The following GABBR2 variants were observed in gnomAD, a reference collection of about 807,000 sequenced individuals.
GABBR2 encodes the protein G-protein coupled receptor 51.
Under a neutral mutation model 105.6 loss-of-function variants are expected in GABBR2, and 23 were observed. The ratio of observed to expected loss-of-function variants is 0.22; its 90% CI spans 0.16 to 0.31. GABBR2 has a LOEUF of 0.31. GABBR2 is among the 10% of genes least tolerant of loss of function. GABBR2 has a pLI of 1.00. For synonymous variants in GABBR2, 478 were observed against 499.7 expected (o/e 0.96, Z 0.58); for missense variants, 734 against 1,245.5 (o/e 0.59, Z 6.18).
chr9:98,593,132 C>T (rs1417897407), intron 1 of GABBR2, among the ~76,000 whole-genome samples: 1 of 152,136 alleles, frequency 6.6e-6, no homozygotes, highest in Non-Finnish European at 1.5e-5. Flanking sequence ...AGGCGTGAGC[C>T]ACCATGCCTG....
intron 3 of GABBR2, among the ~76,000 whole-genome samples, chr9:98,501,525 G>A (rs1041203424): frequency 2.0e-5 from 3 of 152,126 alleles, no homozygotes; most frequent in Non-Finnish European, 4.4e-5. Flanking sequence ...CCTCTCTGTC[G>A]TCCATCTCAG....
At chr9:98,627,883 G>A (rs1316760107) in intron 1 of GABBR2, among the ~76,000 whole-genome samples, 2 of 152,208 alleles carry the variant, frequency 1.3e-5, no homozygotes, top group South Asian at 2.1e-4. Flanking sequence ...CCAAGGTCAC[G>A]CAGCTCTTCA....
At chr9:98,419,038 G>A (rs899525499) in intron 7 of GABBR2, among the ~76,000 whole-genome samples, 4 of 152,266 alleles carry the variant, frequency 2.6e-5, no homozygotes, top group African/African-American at 9.6e-5. Context: ...AAGTCTGAGA[G>A]ATGCAATTTG....
intron 1 of GABBR2, among the ~76,000 whole-genome samples, chr9:98,639,770 G>C (rs532187966): frequency 2.0e-5 from 3 of 151,864 alleles, no homozygotes; most frequent in Non-Finnish European, 4.4e-5. Context: ...CATTGTCACT[G>C]CCAGCTGCCA....
At chr9:98,345,682 A>T (rs1040091069) in intron 13 of GABBR2, among the ~76,000 whole-genome samples, 1 of 152,246 alleles carries the variant, frequency 6.6e-6, no homozygotes, top group East Asian at 1.9e-4. Context: ...TGCAAATGAC[A>T]TGATCGTCTA....
At chr9:98,307,480 C>A (rs10985808) in intron 14 of GABBR2, among the ~76,000 whole-genome samples, 63 of 152,198 alleles carry the variant, frequency 4.1e-4, no homozygotes, top group African/African-American at 1.4e-3. Context: ...CTCTTCCCTT[C>A]GGCTTCAGCA....
At chr9:98,424,199 C>T (rs1297401286) in intron 7 of GABBR2, among the ~76,000 whole-genome samples, 3 of 152,118 alleles carry the variant, frequency 2.0e-5, no homozygotes, top group Non-Finnish European at 2.9e-5. Flanking sequence ...TAAATGTAAT[C>T]CAGCATATAA....
intron 9 of GABBR2, among the ~76,000 whole-genome samples, chr9:98,392,163 A>G (rs1319913102): frequency 6.6e-6 from 1 of 152,180 alleles, no homozygotes; most frequent in Admixed American, 6.5e-5. Flanking sequence ...CGGGGCTGAA[A>G]GGCAGGGCCT....
chr9:98,523,682 G>T (rs2779579), intron 3 of GABBR2, among the ~76,000 whole-genome samples: 44 of 152,154 alleles, frequency 2.9e-4, no homozygotes, highest in Middle Eastern at 3.2e-3. Context: ...AGTAACCAGT[G>T]GGACCAGTGT....
At position 98,324,423 on chromosome 9, in the gene GABBR2, G is replaced by A. The variant is rs76103847; in HGVS notation, c.1894-13218C>T. Reference sequence around the variant, plus strand: ...CCCGGGTTCTCCTCTGAGAAATGCTGGGGTCACCTGCTTTGAGGGCTGTTC... The same window carrying A: ...CCCGGGTTCTCCTCTGAGAAATGCTAGGGTCACCTGCTTTGAGGGCTGTTC... On this transcript the variant is annotated intron_variant, in intron 13 of 18. Transcript: ENST00000259455. Among the ~76,000 whole-genome samples the A allele has an allele frequency of 1.7e-3, 254 of 151,984 alleles. 5 individuals carry two copies. In the East Asian group the frequency reaches 0.046, roughly 28 times the overall value.
At chr9:98,395,635 G>A (rs575403639) in intron 8 of GABBR2, among the ~76,000 whole-genome samples, 24 of 152,242 alleles carry the variant, frequency 1.6e-4, no homozygotes, top group Non-Finnish European at 2.6e-4. Flanking sequence ...TAGAAGCCAA[G>A]GAAAGGCACA....
At chr9:98,436,866 ACT>A (rs1372467716) in intron 7 of GABBR2, among the ~76,000 whole-genome samples, 1 of 152,086 alleles carries the variant, frequency 6.6e-6, no homozygotes, top group Non-Finnish European at 1.5e-5. Context: ...AGAACTGACA[ACT>A]CTGAAACATC....
chr9:98,370,825 T>C (rs753500722), intron 12 of GABBR2, among the ~76,000 whole-genome samples: 2 of 151,970 alleles, frequency 1.3e-5, no homozygotes, highest in Non-Finnish European at 2.9e-5. Flanking sequence ...GGCAACATCA[T>C]ATCTATACCA....
intron 2 of GABBR2, among the ~76,000 whole-genome samples, chr9:98,565,990 C>T (rs566136824): frequency 6.6e-6 from 1 of 152,342 alleles, no homozygotes; most frequent in South Asian, 2.1e-4. Context: ...CCCAGCGGCT[C>T]AGCAGGCATC....
At chr9:98,503,634 C>G (rs1160178565) in intron 3 of GABBR2, among the ~76,000 whole-genome samples, 2 of 152,074 alleles carry the variant, frequency 1.3e-5, no homozygotes, top group Admixed American at 1.3e-4. Flanking sequence ...CTGTATTAGT[C>G]ATCTACTGCT....
chr9:98,500,635 T>C (rs1827379677), intron 3 of GABBR2, among the ~76,000 whole-genome samples: 1 of 152,170 alleles, frequency 6.6e-6, no homozygotes, highest in African/African-American at 2.4e-5. Flanking sequence ...ACATTCGGCA[T>C]GGAGAGAATG....
At chr9:98,541,255 TG>T (rs1436187005) in intron 3 of GABBR2, among the ~76,000 whole-genome samples, 1 of 152,234 alleles carries the variant, frequency 6.6e-6, no homozygotes, top group Non-Finnish European at 1.5e-5. Flanking sequence ...TCTAGGCAGA[TG>T]AACCCCTAAG....
At chr9:98,367,506 T>A (rs550166543) in intron 12 of GABBR2, among the ~76,000 whole-genome samples, 5 of 152,166 alleles carry the variant, frequency 3.3e-5, no homozygotes, top group Non-Finnish European at 7.4e-5. Context: ...TGAATGGGTA[T>A]GGAGTTTCAG....
At chr9:98,611,702 C>G (rs760027701) in intron 1 of GABBR2, among the ~76,000 whole-genome samples, 1 of 152,156 alleles carries the variant, frequency 6.6e-6, no homozygotes, top group South Asian at 2.1e-4. Context: ...CTTAGAAAAG[C>G]CTCCCCAATT....
Sources: gnomAD v4.1 joint callset for allele counts (sites outside exome capture counted in the v4.1 genomes callset) on GRCh38, gnomAD v4.1.1 for gene constraint, MANE v1.5 for transcripts, NCBI Gene and HGNC (gene_info 2026-07-23, HGNC 2026-07-21) for gene names.